The following TRIM51 variants were observed in gnomAD, a reference collection of about 807,000 sequenced individuals.
TRIM51 encodes the protein tripartite motif-containing protein 51.
In TRIM51, 23 loss-of-function variants were observed where a neutral mutation model predicts 32.7. The observed-to-expected ratio is 0.70, with a 90% CI of 0.51 to 1.00. TRIM51 has a LOEUF of 1.00. Among genes scored for constraint, TRIM51 ranks in the 50% least tolerant of loss-of-function variants. TRIM51 has a pLI of 0.00. For synonymous variants in TRIM51, 177 were observed against 181.9 expected (o/e 0.97, Z 0.22); for missense variants, 592 against 539.2 (o/e 1.10, Z -0.97).
Position 55,891,442 on chromosome 11 carries a change from G to A in TRIM51, c.1169G>A (p.Ser390Asn). 6.2e-7 allele frequency: 1 copy of A among 1,613,022 alleles called. No individual in the cohort carries two copies. Among genetic ancestry groups the A allele is most frequent in the Non-Finnish European group, 8.5e-7 (1 of 1,179,746 alleles). Residue 390 changes from serine (S) to asparagine (N), a missense_variant, in exon 7 of 7, where the codon AGT (serine) becomes AAT (asparagine). Ser to Asn is a conservative substitution (Grantham distance 46). Transcript: ENST00000449290. ...TGTGTTAAGGAGGACACTCACTGCA[G>A]TCTCTTTACCACCTCCCCACTTGTG... is the stretch of plus-strand genomic sequence containing the variant. ...LGCVKEDTHC[S>N]LFTTSPLVVQ...
At chr11:55,887,310 T>TAC (rs1234960070) in intron 3 of TRIM51, among the ~76,000 whole-genome samples, 1 of 151,346 alleles carries the variant, frequency 6.6e-6, no homozygotes, top group Non-Finnish European at 1.5e-5. Flanking sequence ...GGTATATATA[T>TAC]ATATATATAT....
Position 55,891,743 on chromosome 11 carries a change from T to C in TRIM51, c.*111T>C. 8.0e-7 allele frequency: 1 copy of C among 1,242,310 alleles called. No individual in the cohort carries two copies. The highest frequency in any genetic ancestry group is 1.4e-5 in the South Asian group (1 of 70,704). The allele number at this position is 1,242,310 out of a possible 1,614,324, so 77.0% of individuals were successfully genotyped here. A position where few individuals can be genotyped will look rare whatever the true frequency, so the allele number is the denominator to read the frequency against. ...ACAAATAAGTTATATTTAATGTCTT[T>C]AGTTGCATTCTAATGTCATCAAAAC... On this transcript the variant is annotated 3_prime_UTR_variant, in exon 7 of 7. Coordinates refer to ENST00000449290, the MANE Select transcript of TRIM51 (RefSeq NM_032681.4).
At chr11:55,888,402 G>A (rs1854605186) in intron 4 of TRIM51, 140 bp downstream of exon 4, 3 of 741,838 alleles carry the variant, frequency 4.0e-6, no homozygotes, top group East Asian at 2.7e-5. Context: ...CTACTTGGTT[G>A]GGAGGGTATA....
Position 55,887,955 on chromosome 11 carries a change from T to C in TRIM51, c.508-77T>C, listed in dbSNP as rs190350407. On this transcript the variant is annotated intron_variant, in intron 3 of 6. Transcript: ENST00000449290. ...ATTGAGGATTAAAATATTGGGTGTT[T>C]AGAATGCTAAGAGGAATCAGTGAAA... The C allele has an allele frequency of 7.1e-4, 761 of 1,069,136 alleles. 4 individuals are homozygous for C. In the African/African-American group the frequency reaches 0.01, roughly 15 times the overall value. The allele number at this position is 1,069,136 out of a possible 1,614,324, so 66.2% of individuals were successfully genotyped here.
intron 4 of TRIM51, 81 bp from the exon 5 acceptor site, chr11:55,888,896 CTG>C (rs1434259437): frequency 2.2e-5 from 27 of 1,252,514 alleles, no homozygotes; most frequent in Non-Finnish European, 3.2e-5. Flanking sequence ...TCTTCAGAAA[CTG>C]TCTCCAAATC....
intron 2 of TRIM51, 71 bp from the exon 3 acceptor site, chr11:55,886,052 C>G: frequency 6.6e-7 from 1 of 1,514,406 alleles, no homozygotes; most frequent in South Asian, 1.2e-5. Flanking sequence ...CATTTTGGGT[C>G]CTTCGTATAT....
chr11:55,884,180 T>TATATATATATATAC (rs1344857496), intron 1 of TRIM51, among the ~76,000 whole-genome samples: 1 of 124,112 alleles, frequency 8.1e-6, no homozygotes, highest in African/African-American at 3.3e-5. Context: ...TATATATATA[T>TATATATATATATAC]ATACACATAC....
chr11:55,888,906 A>C, intron 4 of TRIM51, 73 bp from the exon 5 acceptor site: 1 of 1,336,084 alleles, frequency 7.5e-7, no homozygotes, highest in African/African-American at 1.4e-5. Flanking sequence ...CTGTCTCCAA[A>C]TCTCACTCTG....
Position 55,885,501 on chromosome 11 carries a change from C to G in TRIM51, c.73C>G (p.Pro25Ala). Residue 25 changes from proline (P) to alanine (A), a missense_variant, in exon 2 of 7, where the codon CCA becomes GCA. Transcript: ENST00000449290. ...CATCTGCATGAACTACTTCCTAGACCCAGTCACCATAGACTGTGGGCACAG... is the reference window on the plus strand; with the variant it reads ...CATCTGCATGAACTACTTCCTAGACGCAGTCACCATAGACTGTGGGCACAG... ...CPICMNYFLD[P>A]VTIDCGHSFC... 1 of 1,611,952 alleles carries G rather than the reference C, an allele frequency of 6.2e-7. No individual in the cohort carries two copies. The highest frequency in any genetic ancestry group is 1.3e-5 in the African/African-American group (1 of 74,926).
At position 55,885,793 on chromosome 11, in the gene TRIM51, G is replaced by A. The variant is rs1854569804; in HGVS notation, c.365G>A (p.Arg122Gln). The A allele has an allele frequency of 5.0e-6, 8 of 1,611,788 alleles. No homozygotes were observed. Among genetic ancestry groups the A allele is most frequent in the East Asian group, 2.2e-5 (1 of 44,872 alleles). ...CCGTGCTCCAACTCTCAGGAGCACCGGAATCACATACACTGTCCCATTGAG... is the reference window on the plus strand; with the variant it reads ...CCGTGCTCCAACTCTCAGGAGCACCAGAATCACATACACTGTCCCATTGAG... ...CLPCSNSQEH[R>Q]NHIHCPIEWA... Residue 122 changes from arginine (R) to glutamine (Q), a missense_variant, in exon 2 of 7, where the codon CGG becomes CAG. Coordinates refer to ENST00000449290, the MANE Select transcript of TRIM51 (RefSeq NM_032681.4).
At chr11:55,889,527 A>C (rs1228296686) in intron 5 of TRIM51, among the ~76,000 whole-genome samples, 1 of 152,146 alleles carries the variant, frequency 6.6e-6, no homozygotes, top group African/African-American at 2.4e-5. Context: ...CAAAAGGCAG[A>C]TCTCCCTGCC....
chr11:55,885,367 G>C lies in TRIM51; in HGVS notation c.-4-58G>C. ...ATATAGCTATCACATATCACCACAT[G>C]TTCACGGATTTTCACCAACCCAGAC... On this transcript the variant is annotated intron_variant, in intron 1 of 6. Coordinates refer to ENST00000449290, the MANE Select transcript of TRIM51 (RefSeq NM_032681.4). The C allele has an allele frequency of 2.5e-6, 4 of 1,577,550 alleles. No individual in the cohort carries two copies. The East Asian group carries it at 9.0e-5, about 35-fold the overall frequency.
At chr11:55,889,206 G>A (rs4107304) in intron 5 of TRIM51, among the ~76,000 whole-genome samples, 6 of 151,590 alleles carry the variant, frequency 4.0e-5, no homozygotes, top group African/African-American at 4.8e-5. Flanking sequence ...TTCTGCAAAA[G>A]CAAAAAAATA....
chr11:55,887,427 T>G (rs1196486455), intron 3 of TRIM51, among the ~76,000 whole-genome samples: 2 of 151,604 alleles, frequency 1.3e-5, no homozygotes, highest in Non-Finnish European at 2.9e-5. Flanking sequence ...AGTACATATA[T>G]GAGAAATATG....
chr11:55,890,278 A>G (rs924920876), intron 6 of TRIM51, among the ~76,000 whole-genome samples: 2 of 152,218 alleles, frequency 1.3e-5, no homozygotes, highest in African/African-American at 2.4e-5. Context: ...TATATTGGGT[A>G]AATGGAATGA....
chr11:55,884,985 C>A (rs1854556272), intron 1 of TRIM51, among the ~76,000 whole-genome samples: 1 of 151,808 alleles, frequency 6.6e-6, no homozygotes, highest in South Asian at 2.1e-4. Flanking sequence ...GTCCCTCTCT[C>A]TAAAAATATG....
chr11:55,886,335 A>G (rs1854578490), intron 3 of TRIM51, 117 bp downstream of exon 3: 10 of 850,986 alleles, frequency 1.2e-5, no homozygotes, highest in Non-Finnish European at 1.9e-5. Flanking sequence ...AACAAGGAAA[A>G]AACACTTGAG....
rs759369630 is a variant in TRIM51 at position 55,891,255 on chromosome 11, T to C, written c.982T>C (p.Phe328Leu). The C allele has an allele frequency of 6.2e-7, 1 of 1,608,410 alleles. No homozygotes were observed. Among genetic ancestry groups the C allele is most frequent in the Non-Finnish European group, 8.5e-7 (1 of 1,179,732 alleles). ...CGATATCACTGGAAAATCTGAATGTTTTCTTGTATGGGGGGCTCAGGCTTT... is the reference window on the plus strand; with the variant it reads ...CGATATCACTGGAAAATCTGAATGTCTTCTTGTATGGGGGGCTCAGGCTTT... ...DPDITGKSEC[F>L]LVWGAQAFTS... Residue 328 changes from phenylalanine (F) to leucine (L), a missense_variant, in exon 7 of 7, where the codon TTT becomes CTT. By Grantham distance (22) the Phe-to-Leu change is conservative (BLOSUM62 0). Coordinates refer to ENST00000449290, the MANE Select transcript of TRIM51 (RefSeq NM_032681.4).
rs765313124 is a variant in TRIM51 at position 55,888,256 on chromosome 11, A to G, written c.732A>G (p.Leu244=). 6.2e-7 allele frequency: 1 copy of G among 1,610,730 alleles called. No homozygotes were observed. Among genetic ancestry groups the G allele is most frequent in the Non-Finnish European group, 8.5e-7 (1 of 1,177,606 alleles). The change falls in exon 4 of 7, where the codon CTA becomes CTG. Residue 244 remains leucine, a synonymous_variant. Transcript: ENST00000449290. ...KQMCHKADVE[L]LQAFGDILHR... ...TGTGCCATAAAGCAGATGTGGAGCT[A>G]CTCCAGGTATGGACTGACCATGGGG...
Sources: gnomAD v4.1 joint callset for allele counts (sites outside exome capture counted in the v4.1 genomes callset) on GRCh38, gnomAD v4.1.1 for gene constraint, MANE v1.5 for transcripts, NCBI Gene and HGNC (gene_info 2026-07-23, HGNC 2026-07-21) for gene names.